The following BEST3 variants were observed in gnomAD, a reference collection of about 807,000 sequenced individuals.
The protein encoded by BEST3 is bestrophin 3, also known as bestrophin-3.
BEST3 carries 50 observed loss-of-function variants against 47.1 expected under a neutral mutation model. The ratio of observed to expected loss-of-function variants is 1.06; its 90% CI spans 0.85 to 1.34. The LOEUF is 1.34. Ranked by LOEUF, BEST3 falls within the 40% of genes most tolerant of loss-of-function variation. BEST3 has a pLI of 0.00. For synonymous variants in BEST3, 282 were observed against 298.8 expected (o/e 0.94, Z 0.58); for missense variants, 765 against 817.0 (o/e 0.94, Z 0.78).
intron 9 of BEST3, among the ~76,000 whole-genome samples, chr12:69,659,865 G>C (rs778669483): frequency 6.6e-6 from 1 of 152,078 alleles, no homozygotes; most frequent in Non-Finnish European, 1.5e-5. Flanking sequence ...ATATTCCTAT[G>C]TATTAGGGAG....
intron 5 of BEST3, 59 bp from the exon 6 acceptor site, chr12:69,677,316 T>A: frequency 7.1e-7 from 1 of 1,411,806 alleles, no homozygotes; most frequent in Non-Finnish European, 9.8e-7. Flanking sequence ...TAATAAGTAC[T>A]TACTGGGACT....
At position 69,653,628 on chromosome 12, in the gene BEST3, A is replaced by G. The variant is rs370232728; in HGVS notation, c.*1279T>C. 1.0e-5 allele frequency: 10 copies of G among 985,190 alleles called. No homozygotes were observed. The South Asian group carries it at 1.4e-4, about 14-fold the overall frequency. 61.0% of individuals were successfully genotyped at this position (985,190 alleles called of 1,614,324 possible). ...AAATGGTAGTTTTGAGGGTTATTTT[A>G]TTTCTAAAGCCATATGTAGTCAAGT... is the stretch of plus-strand genomic sequence containing the variant. On this transcript the variant is annotated 3_prime_UTR_variant, in exon 10 of 10. Transcript: ENST00000330891.
intron 9 of BEST3, among the ~76,000 whole-genome samples, chr12:69,645,359 T>G (rs1882999329): frequency 6.6e-6 from 1 of 152,190 alleles, no homozygotes; most frequent in Non-Finnish European, 1.5e-5. Context: ...TAGAGATACT[T>G]CACAGCTTGT....
intron 4 of BEST3, among the ~76,000 whole-genome samples, chr12:69,682,635 G>T (rs1885326187): frequency 6.6e-6 from 1 of 152,106 alleles, no homozygotes; most frequent in Non-Finnish European, 1.5e-5. Flanking sequence ...GAGTGCAGTG[G>T]TGTGATCTTT....
chr12:69,643,725 T>C, exon 10 of BEST3: 1 of 715,830 alleles, frequency 1.4e-6, no homozygotes, highest in Non-Finnish European at 2.6e-6. Flanking sequence ...ACACTGGAAT[T>C]GAGGCTGAGG....
chr12:69,645,624 G>A (rs187751857), intron 9 of BEST3, among the ~76,000 whole-genome samples: 1 of 152,298 alleles, frequency 6.6e-6, no homozygotes, highest in East Asian at 1.9e-4. Flanking sequence ...GAGCCTAGGG[G>A]ACCTGTGTTC....
At chr12:69,695,742 G>C (rs1303799211) in intron 2 of BEST3, among the ~76,000 whole-genome samples, 3 of 152,110 alleles carry the variant, frequency 2.0e-5, no homozygotes, top group Non-Finnish European at 4.4e-5. Context: ...CTGAGTCTCA[G>C]TTTTCTCATC....
At chr12:69,646,761 T>C (rs1883050046) in intron 9 of BEST3, among the ~76,000 whole-genome samples, 1 of 152,228 alleles carries the variant, frequency 6.6e-6, no homozygotes, top group Non-Finnish European at 1.5e-5. Flanking sequence ...TCTTTAGTTA[T>C]GAAAGTAATC....
At chr12:69,670,577 T>C (rs1442555889) in intron 9 of BEST3, 1 of 702,390 alleles carries the variant, frequency 1.4e-6, no homozygotes, top group African/African-American at 1.7e-5. Flanking sequence ...AAGCGAGATC[T>C]CCTGAAAGTA....
chr12:69,645,734 T>C (rs1202103061), intron 9 of BEST3, among the ~76,000 whole-genome samples: 2 of 152,230 alleles, frequency 1.3e-5, no homozygotes, highest in East Asian at 1.9e-4. Flanking sequence ...TTTGTAGCTG[T>C]CGTGAGGACC....
At chr12:69,660,387 C>G (rs1883799914) in intron 9 of BEST3, 2 of 152,230 alleles carry the variant, frequency 1.3e-5, no homozygotes, top group South Asian at 4.2e-4. Flanking sequence ...GTTACTACAC[C>G]TAGGAGATAT....
At chr12:69,678,173 C>A (rs1181374431) in intron 5 of BEST3, among the ~76,000 whole-genome samples, 1 of 152,132 alleles carries the variant, frequency 6.6e-6, no homozygotes, top group Non-Finnish European at 1.5e-5. Context: ...AAACAATTCA[C>A]TTCCGTTAGC....
downstream of BEST3, among the ~76,000 whole-genome samples, chr12:69,653,295 G>A (rs1202239395): frequency 6.6e-6 from 1 of 152,216 alleles, no homozygotes; most frequent in African/African-American, 2.4e-5. Flanking sequence ...AGGCTGGAGA[G>A]ATTTAGCCTG....
chr12:69,670,025 G>A (rs1236234059), intron 9 of BEST3: 5 of 163,114 alleles, frequency 3.1e-5, no homozygotes, highest in African/African-American at 1.2e-4. Context: ...TTCTTTTCAA[G>A]TTAAATCGTC....
At chr12:69,689,275 T>C in intron 4 of BEST3, 2 of 985,832 alleles carry the variant, frequency 2.0e-6, no homozygotes, top group Non-Finnish European at 2.4e-6. Flanking sequence ...CAGCCCTCTC[T>C]GCTGGGGAAA....
intron 9 of BEST3, chr12:69,669,664 T>C (rs1218302527): frequency 6.6e-6 from 1 of 152,234 alleles, no homozygotes; most frequent in Admixed American, 6.5e-5. Flanking sequence ...TGATTTTATA[T>C]AGAGCATCTT....
chr12:69,652,204 C>T (rs1053221654), downstream of BEST3, among the ~76,000 whole-genome samples: 2 of 152,154 alleles, frequency 1.3e-5, no homozygotes, highest in African/African-American at 2.4e-5. Flanking sequence ...TTGGCCTCAC[C>T]GCACTCTCTG....
intron 9 of BEST3, among the ~76,000 whole-genome samples, chr12:69,670,764 T>TTTTTG (rs554949152): frequency 0.034 from 5,116 of 152,072 alleles, 288 homozygotes; most frequent in African/African-American, 0.11. Context: ...TGCTACAGTT[T>TTTTTG]TTTTGTTTTG....
At position 69,654,827 on chromosome 12, in the gene BEST3, A is replaced by G. The variant is rs1374683031; in HGVS notation, c.*80T>C. The G allele has an allele frequency of 1.3e-6, 2 of 1,513,004 alleles. No homozygotes were observed. The highest frequency in any genetic ancestry group is 2.3e-5 in the East Asian group (1 of 43,896). 93.7% of individuals were successfully genotyped at this position (1,513,004 alleles called of 1,614,324 possible). On this transcript the variant is annotated 3_prime_UTR_variant, in exon 10 of 10. Coordinates refer to ENST00000330891, the MANE Select transcript of BEST3 (RefSeq NM_032735.3). ...TTTTTTAAAAAGTCGACCAGCCTTCAGGTATGTCCTGGGCCTAATATGCTG... is the reference window on the plus strand; with the variant it reads ...TTTTTTAAAAAGTCGACCAGCCTTCGGGTATGTCCTGGGCCTAATATGCTG...
Sources: gnomAD v4.1 joint callset for allele counts (sites outside exome capture counted in the v4.1 genomes callset) on GRCh38, gnomAD v4.1.1 for gene constraint, MANE v1.5 for transcripts, NCBI Gene and HGNC (gene_info 2026-07-23, HGNC 2026-07-21) for gene names.